The following MACROD2 variants were observed in gnomAD, a reference collection of about 807,000 sequenced individuals.
MACROD2 encodes the protein mono-ADP ribosylhydrolase 2, also known as ADP-ribose glycohydrolase MACROD2.
In MACROD2, 36 loss-of-function variants were observed where a neutral mutation model predicts 70.4. The observed-to-expected ratio is 0.51, with a 90% CI of 0.39 to 0.68. MACROD2 has a LOEUF of 0.68. MACROD2 is among the 30% of genes least tolerant of loss of function. The pLI is 0.00. For missense variants in MACROD2, 496 were observed against 538.4 expected, an observed-to-expected ratio of 0.92 and a Z score of 0.78; for synonymous variants, 172 against 178.8, an observed-to-expected ratio of 0.96 and a Z score of 0.30.
intron 8 of MACROD2, among the ~76,000 whole-genome samples, chr20:15,612,124 A>G (rs771440637): frequency 1.3e-5 from 2 of 151,950 alleles, no homozygotes; most frequent in South Asian, 2.1e-4. Flanking sequence ...TTCATTTGCT[A>G]CCTTAGTAAA....
At chr20:15,289,834 G>A (rs2077526093) in intron 6 of MACROD2, among the ~76,000 whole-genome samples, 1 of 152,058 alleles carries the variant, frequency 6.6e-6, no homozygotes, top group African/African-American at 2.4e-5. Flanking sequence ...CTGTGTACTG[G>A]GTACTGTGTG....
chr20:15,715,029 C>G (rs2146924107), intron 8 of MACROD2, among the ~76,000 whole-genome samples: 1 of 152,214 alleles, frequency 6.6e-6, no homozygotes, highest in South Asian at 2.1e-4. Context: ...CACATTGTTA[C>G]ATTGTTACAG....
intron 5 of MACROD2, among the ~76,000 whole-genome samples, chr20:15,157,634 C>A (rs1482572666): frequency 1.3e-5 from 2 of 152,024 alleles, no homozygotes; most frequent in African/African-American, 4.8e-5. Context: ...AGTTAGTGTC[C>A]TGAATAGTTT....
At chr20:15,618,033 G>T (rs962951756) in intron 8 of MACROD2, among the ~76,000 whole-genome samples, 47 of 147,328 alleles carry the variant, frequency 3.2e-4, no homozygotes, top group African/African-American at 1.1e-3. Flanking sequence ...GAGATGGGGG[G>T]TTTTTGATGT....
In MACROD2 at chr20:15,143,974, A is replaced by ACCC. The variant is rs1442412893; in HGVS notation, c.419-85966_419-85965insCCC. The stretch of plus-strand genomic sequence containing the variant: ...AAAAAAAAAATCGCAAAAAAAAAAA[A>ACCC]ACCTCATAATATTTTAAGAAAGTTT... On this transcript the variant is annotated intron_variant, in intron 5 of 17. Coordinates refer to ENST00000684519, the MANE Select transcript of MACROD2 (RefSeq NM_001351661.2). Among the ~76,000 whole-genome samples the ACCC allele has an allele frequency of 4.8e-5, 7 of 146,306 alleles. No individual in the cohort carries two copies. The South Asian group carries it at 1.1e-3, about 22-fold the overall frequency.
intron 5 of MACROD2, among the ~76,000 whole-genome samples, chr20:15,132,038 G>T (rs889996834): frequency 6.6e-6 from 1 of 151,878 alleles, no homozygotes; most frequent in Admixed American, 6.6e-5. Flanking sequence ...AAGGTAAACA[G>T]TTAAATGCTA....
chr20:14,554,725 A>G (rs1226076611), intron 4 of MACROD2, among the ~76,000 whole-genome samples: 6 of 152,146 alleles, frequency 3.9e-5, no homozygotes, highest in Admixed American at 2.0e-4. Flanking sequence ...CATTATTCTA[A>G]AATTCCTTTT....
chr20:15,529,283 T>C lies in MACROD2; in HGVS notation c.645+29436T>C, dbSNP rs923530361. On this transcript the variant is annotated intron_variant, in intron 8 of 17. Coordinates refer to ENST00000684519, the MANE Select transcript of MACROD2 (RefSeq NM_001351661.2). Reference sequence around the variant, plus strand: ...GCTCTGTGGGATGCGTGTGTGTGTGTGTGCATGCCTGTGTGTGTGTGTGTG... The same window carrying C: ...GCTCTGTGGGATGCGTGTGTGTGTGCGTGCATGCCTGTGTGTGTGTGTGTG... Among the ~76,000 whole-genome samples, 6 of 151,104 alleles carry C rather than the reference T, an allele frequency of 4.0e-5. No homozygotes were observed. In the East Asian group the frequency reaches 1.2e-3, roughly 30 times the overall value.
At chr20:15,542,391 C>T (rs1008636645) in intron 8 of MACROD2, among the ~76,000 whole-genome samples, 7 of 152,124 alleles carry the variant, frequency 4.6e-5, no homozygotes, top group African/African-American at 1.7e-4. Context: ...CATAATTATA[C>T]CAGAGACCTG....
At chr20:14,059,409 C>G (rs2148654559) in intron 2 of MACROD2, among the ~76,000 whole-genome samples, 1 of 152,234 alleles carries the variant, frequency 6.6e-6, no homozygotes, top group Non-Finnish European at 1.5e-5. Context: ...GACCCCTGAT[C>G]TCATCAACTT....
At chr20:13,999,104 T>C (rs1366925856) in intron 1 of MACROD2, among the ~76,000 whole-genome samples, 2 of 152,230 alleles carry the variant, frequency 1.3e-5, no homozygotes, top group African/African-American at 4.8e-5. Flanking sequence ...CTTCCTTGTG[T>C]GTAAGATGAA....
At chr20:14,562,159 G>A (rs938742495) in intron 4 of MACROD2, among the ~76,000 whole-genome samples, 1 of 151,810 alleles carries the variant, frequency 6.6e-6, no homozygotes, top group African/African-American at 2.4e-5. Flanking sequence ...TAATGTCTTG[G>A]GATTTGGGAG....
At chr20:14,270,261 G>A (rs1246137355) in intron 3 of MACROD2, among the ~76,000 whole-genome samples, 1 of 152,034 alleles carries the variant, frequency 6.6e-6, no homozygotes, top group African/African-American at 2.4e-5. Context: ...GTGTATAAAA[G>A]GAGTGATTCC....
At chr20:15,370,705 G>A (rs1281561515) in intron 6 of MACROD2, among the ~76,000 whole-genome samples, 1 of 152,010 alleles carries the variant, frequency 6.6e-6, no homozygotes, top group Non-Finnish European at 1.5e-5. Context: ...AAAATAAGAT[G>A]TCTTCTTCTT....
chr20:14,955,318 A>T (rs1548283), intron 5 of MACROD2, among the ~76,000 whole-genome samples: 2 of 141,718 alleles, frequency 1.4e-5, no homozygotes. Flanking sequence ...ATTATATATA[A>T]TTTATATAAC....
chr20:14,689,441 A>G (rs1226194886), intron 5 of MACROD2, among the ~76,000 whole-genome samples: 5 of 152,216 alleles, frequency 3.3e-5, no homozygotes, highest in African/African-American at 7.2e-5. Context: ...TTCAAAAGAT[A>G]TTTGATGAAT....
chr20:15,951,421 G>A (rs1393418383), intron 12 of MACROD2, among the ~76,000 whole-genome samples: 1 of 151,626 alleles, frequency 6.6e-6, no homozygotes, highest in Non-Finnish European at 1.5e-5. Flanking sequence ...TAAGAAGAAA[G>A]GAATAATTGG....
chr20:14,768,431 T>G (rs1239244978), intron 5 of MACROD2, among the ~76,000 whole-genome samples: 2 of 152,146 alleles, frequency 1.3e-5, no homozygotes, highest in East Asian at 3.8e-4. Flanking sequence ...TTCCCTGTTC[T>G]CAGTTGGACT....
chr20:14,786,204 T>TAGAGAGAGAGAGAGAG (rs11474711), intron 5 of MACROD2, among the ~76,000 whole-genome samples: 4,215 of 135,388 alleles, frequency 0.031, 104 homozygotes, highest in Non-Finnish European at 0.039. Flanking sequence ...CAGAGAAAGA[T>TAGAGAGAGAGAGAGAG]AGAGAGAGAG....
Sources: allele counts gnomAD v4.1 joint callset (sites outside exome capture counted in the v4.1 genomes callset), GRCh38; gene constraint gnomAD v4.1.1; transcripts MANE v1.5; gene names NCBI Gene and HGNC (gene_info 2026-07-23, HGNC 2026-07-21).